AZIN2: variants seen among roughly 807,000 people sequenced by gnomAD.
AZIN2 encodes antizyme inhibitor 2, also known as ODC antizyme inhibitor-2.
AZIN2 carries 28 observed loss-of-function variants against 47.8 expected under a neutral mutation model. The observed-to-expected ratio is 0.59, with a 90% CI of 0.43 to 0.80. The LOEUF (loss-of-function observed/expected upper bound fraction) is 0.80. Ranked by LOEUF, AZIN2 falls within the 30% of genes least tolerant of loss-of-function variation. The pLI, the probability that AZIN2 is intolerant of heterozygous loss-of-function variation, is 0.00. For missense variants in AZIN2, 535 were observed against 582.5 expected (o/e 0.92, Z 0.84); for synonymous variants, 221 against 239.4 (o/e 0.92, Z 0.71).
At chr1:33,131,837 T>G in the AZIN2 span, among the ~76,000 whole-genome samples, 1 of 152,202 alleles carries the variant, frequency 6.6e-6, no homozygotes, top group Non-Finnish European at 1.5e-5. Flanking sequence ...CCCTACCAAC[T>G]TTATCTCTCT....
Position 33,081,570 on chromosome 1 carries a change from G to GA in AZIN2, c.-284-25dup, listed in dbSNP as rs1641255548. Reference sequence around the variant, plus strand: ...GCACTCTGTAGGAGTCACTCGGACAGAAAAAACCTCGGCCTTCCGTTCTCT... The same window carrying GA: ...GCACTCTGTAGGAGTCACTCGGACAGAAAAAAACCTCGGCCTTCCGTTCTCT... On this transcript the variant is annotated intron_variant, in intron 2 of 11. Coordinates refer to ENST00000294517, the MANE Select transcript of AZIN2 (RefSeq NM_052998.4). The surrounding 1 kb of genome is among the most constrained non-coding windows in gnomAD (Gnocchi z 4.2). 1 of 156,796 alleles carries GA rather than the reference G, an allele frequency of 6.4e-6. No individual in the cohort carries two copies. Among genetic ancestry groups the GA allele is most frequent in the South Asian group, 1.9e-4 (1 of 5,264 alleles). 9.7% of individuals were successfully genotyped at this position (156,796 alleles called of 1,614,324 possible).
chr1:33,139,474 C>T, the AZIN2 span, among the ~76,000 whole-genome samples: 1 of 152,172 alleles, frequency 6.6e-6, no homozygotes, highest in Non-Finnish European at 1.5e-5. Context: ...CAGTGAATCT[C>T]CTGGACCTGG....
chr1:33,109,398 G>C (rs1043814512), intron 10 of AZIN2, among the ~76,000 whole-genome samples: 1 of 151,052 alleles, frequency 6.6e-6, no homozygotes, highest in Admixed American at 6.6e-5. Flanking sequence ...GTGAGATCTT[G>C]GCTCACTGCA....
At chr1:33,138,595 G>C in the AZIN2 span, among the ~76,000 whole-genome samples, 2 of 143,054 alleles carry the variant, frequency 1.4e-5, no homozygotes, top group African/African-American at 5.3e-5. Context: ...CTGGGTGACA[G>C]AGCGAGATCC....
chr1:33,162,761 A>C, the AZIN2 span: 1 of 152,680 alleles, frequency 6.5e-6, no homozygotes. Flanking sequence ...TGGAGCCCCA[A>C]GTACATTCCC....
chr1:33,147,545 C>T, the AZIN2 span: 2 of 1,614,102 alleles, frequency 1.2e-6, no homozygotes, highest in East Asian at 2.2e-5. This position sits in a 1 kb window ranked among gnomAD's most constrained non-coding sequence, Gnocchi z 8.1. Flanking sequence ...ACCACCACCT[C>T]CCAGTAGTGG....
chr1:33,166,219 C>T, the AZIN2 span: 1 of 152,294 alleles, frequency 6.6e-6, no homozygotes, highest in Non-Finnish European at 1.5e-5. Flanking sequence ...CCCACTGATC[C>T]TACATCATGT....
At position 33,117,264 on chromosome 1, in the gene AZIN2, G is replaced by A. The variant is rs796978696; in HGVS notation, c.1030-638G>A. On this transcript the variant is annotated intron_variant, in intron 10 of 11. Coordinates refer to ENST00000294517, the MANE Select transcript of AZIN2 (RefSeq NM_052998.4). ...CTTTCTCATTAGACTGAGGGCCTGA[G>A]GGAGGGTGAGTCTAGCCTGGTATAC... 4.6e-5 allele frequency among the ~76,000 whole-genome samples: 7 copies of A among 152,298 alleles called. No individual in the cohort carries two copies. In the East Asian group the frequency reaches 1.2e-3, roughly 25 times the overall value.
chr1:33,154,608 G>C, the AZIN2 span, among the ~76,000 whole-genome samples: 2 of 151,760 alleles, frequency 1.3e-5, no homozygotes, highest in Non-Finnish European at 2.9e-5. Flanking sequence ...GACCACCCTG[G>C]CCAACATGGT....
At chr1:33,082,863 A>T (rs775231933) in intron 4 of AZIN2, 7 of 157,306 alleles carry the variant, frequency 4.4e-5, no homozygotes, top group Non-Finnish European at 9.9e-5. Flanking sequence ...CTTTCCCCAC[A>T]GTATATATTA....
the AZIN2 span, among the ~76,000 whole-genome samples, chr1:33,161,930 C>T: frequency 7.2e-5 from 11 of 152,290 alleles, no homozygotes; most frequent in East Asian, 1.7e-3. The surrounding 1 kb of genome is among the most constrained non-coding windows in gnomAD (Gnocchi z 4.3). Flanking sequence ...ACCCTGAACA[C>T]CTGCCCCCAT....
chr1:33,096,662 C>T lies in AZIN2; in HGVS notation c.754-45C>T, dbSNP rs188210298. The T allele has an allele frequency of 1.3e-5, 21 of 1,606,282 alleles. No homozygotes were observed. The East Asian group carries it at 4.5e-4, about 34-fold the overall frequency. On this transcript the variant is annotated intron_variant, in intron 8 of 11. Coordinates refer to ENST00000294517, the MANE Select transcript of AZIN2 (RefSeq NM_052998.4). ...CTGTAGCAAGTCTTCAGCATAAAGC[C>T]CACATTTCAAACACATAATTGTCTC...
chr1:33,101,950 G>T, intron 10 of AZIN2: 1 of 758,484 alleles, frequency 1.3e-6, no homozygotes, highest in South Asian at 1.4e-5. Flanking sequence ...AAGGCATTTG[G>T]ACTGTCTTTG....
chr1:33,136,152 TTCCTTCC>T, the AZIN2 span, among the ~76,000 whole-genome samples: 1 of 147,504 alleles, frequency 6.8e-6, no homozygotes, highest in East Asian at 2.0e-4. Flanking sequence ...CCTTCCTTCC[TTCCTTCC>T]TTCCTTCCTT....
Position 33,092,103 on chromosome 1 carries a change from C to T in AZIN2, c.333C>T (p.Cys111=), listed in dbSNP as rs192729842. The T allele has an allele frequency of 7.8e-5, 126 of 1,614,164 alleles. No homozygotes were observed. In the Admixed American group the frequency reaches 1.8e-3, roughly 23 times the overall value. The change falls in exon 6 of 12, where the codon TGC becomes TGT. Residue 111 remains cysteine (C), a synonymous_variant. Coordinates refer to ENST00000294517, the MANE Select transcript of AZIN2 (RefSeq NM_052998.4). ...GAATCCCTGCCAGTAAGATCATCTGCGCCAACCCCTGTAAGCAAATTGCAC... is the reference window on the plus strand; with the variant it reads ...GAATCCCTGCCAGTAAGATCATCTGTGCCAACCCCTGTAAGCAAATTGCAC... ...HIGIPASKII[C]ANPCKQIAQI... is the part of the protein sequence containing the mutation.
intron 5 of AZIN2, among the ~76,000 whole-genome samples, chr1:33,091,540 C>T (rs1303881539): frequency 2.2e-5 from 1 of 44,716 alleles, no homozygotes; most frequent in Non-Finnish European, 3.9e-5. Context: ...GCGCCCTGTC[C>T]TATTTTCAGT....
At chr1:33,151,337 C>G in the AZIN2 span, among the ~76,000 whole-genome samples, 13 of 152,182 alleles carry the variant, frequency 8.5e-5, no homozygotes, top group East Asian at 2.5e-3. Flanking sequence ...TGTGGCCTGA[C>G]TCTTAGGAGA....
At chr1:33,083,128 C>T (rs1243122254) in intron 4 of AZIN2, 1 of 152,616 alleles carries the variant, frequency 6.6e-6, no homozygotes, top group African/African-American at 2.4e-5. Flanking sequence ...CATCTAACAT[C>T]TGCTGAATGG....
Position 33,120,494 on chromosome 1 carries a change from A to C in AZIN2, c.*312A>C. 3.5e-6 allele frequency: 1 copy of C among 287,796 alleles called. No individual in the cohort carries two copies. The highest frequency in any genetic ancestry group is 6.5e-6 in the Non-Finnish European group (1 of 153,470). 17.8% of individuals were successfully genotyped at this position (287,796 alleles called of 1,614,324 possible). A position where few individuals can be genotyped will look rare whatever the true frequency, so the allele number is the denominator to read the frequency against. On this transcript the variant is annotated 3_prime_UTR_variant, in exon 12 of 12. Coordinates refer to ENST00000294517, the MANE Select transcript of AZIN2 (RefSeq NM_052998.4). ...TCTCCTTCCCACCTTTGTAAATATA[A>C]TGCAAATAAATAAATATTTAGGTTT...
Sources: gnomAD v4.1 joint callset for allele counts (sites outside exome capture counted in the v4.1 genomes callset) on GRCh38, gnomAD v4.1.1 for gene constraint, Gnocchi (gnomAD v3.1) non-coding constraint, MANE v1.5 for transcripts, NCBI Gene and HGNC (gene_info 2026-07-23, HGNC 2026-07-21) for gene names.